Variants in KAZN observed in about 807,000 individuals in gnomAD.
KAZN encodes kazrin.
A neutral mutation model predicts 87.4 loss-of-function variants in KAZN; 40 were observed. The observed-to-expected ratio is 0.46, with a 90% confidence interval of 0.36 to 0.60. The LOEUF is 0.60. Ranked by LOEUF, KAZN falls within the 20% of genes least tolerant of loss-of-function variation. The pLI is 0.00. For synonymous variants in KAZN, 466 were observed against 458.3 expected (o/e 1.02, Z -0.22); for missense variants, 898 against 1,073.9 (o/e 0.84, Z 2.29).
intron 2 of KAZN, among the ~76,000 whole-genome samples, chr1:14,349,798 T>C (rs1658389869): frequency 6.6e-6 from 1 of 152,022 alleles, no homozygotes; most frequent in Non-Finnish European, 1.5e-5. Context: ...CTAAAGAGCA[T>C]GGATCTGGTA....
At chr1:14,491,365 C>T (rs1465675302) in intron 2 of KAZN, among the ~76,000 whole-genome samples, 6 of 152,080 alleles carry the variant, frequency 3.9e-5, no homozygotes, top group Non-Finnish European at 7.4e-5. Flanking sequence ...AGGTTTGTTA[C>T]GTAGGTATAG....
At position 14,555,464 on chromosome 1, in the gene KAZN, C is replaced by T. The variant is rs557612535; in HGVS notation, c.250-43519C>T. Among the ~76,000 whole-genome samples the T allele has an allele frequency of 6.1e-4, 93 of 152,200 alleles. 1 individual carries two copies. The South Asian group carries it at 7.3e-3, about 12-fold the overall frequency. On this transcript the variant is annotated intron_variant, in intron 2 of 16. Coordinates refer to the KAZN transcript ENST00000636203. ...TTTTGTTTAATTTGATAGGAAATGC[C>T]CCCACTCTTAAAGGTGCTATAGGAA...
At chr1:14,501,459 G>T (rs1358718084) in intron 2 of KAZN, among the ~76,000 whole-genome samples, 1 of 152,058 alleles carries the variant, frequency 6.6e-6, no homozygotes, top group Non-Finnish European at 1.5e-5. Flanking sequence ...CAAGATATAA[G>T]ATGTAAGATA....
intron 2 of KAZN, among the ~76,000 whole-genome samples, chr1:14,534,066 C>A (rs1672351238): frequency 6.6e-6 from 1 of 152,110 alleles, no homozygotes; most frequent in Non-Finnish European, 1.5e-5. Context: ...CTGCTCAGTA[C>A]CCAATGAAAC....
chr1:15,089,344 G>A (rs1163120884), intron 8 of KAZN, among the ~76,000 whole-genome samples: 1 of 151,666 alleles, frequency 6.6e-6, no homozygotes, highest in Non-Finnish European at 1.5e-5. Context: ...CTCACTGAGA[G>A]CCCCACCCCT....
At chr1:14,930,859 C>G (rs1024696209) in intron 1 of KAZN, among the ~76,000 whole-genome samples, 1 of 152,214 alleles carries the variant, frequency 6.6e-6, no homozygotes, top group African/African-American at 2.4e-5. Flanking sequence ...GAGGGGGGAA[C>G]CCTGGGGGCC....
intron 1 of KAZN, among the ~76,000 whole-genome samples, chr1:13,946,357 G>A (rs1332372810): frequency 6.6e-6 from 1 of 152,088 alleles, no homozygotes; most frequent in Non-Finnish European, 1.5e-5. Context: ...TTCAAAACGG[G>A]ATTTTCCTCT....
At chr1:14,845,546 C>CATAGATGGGTGGGTGGATGGATGGATGG (rs1648640363) in intron 1 of KAZN, among the ~76,000 whole-genome samples, 1 of 96,350 alleles carries the variant, frequency 1.0e-5, no homozygotes, top group Non-Finnish European at 2.1e-5. Context: ...TGGATGGATG[C>CATAGATGGGTGGGTGGATGGATGGATGG]ATAGATGGGT....
chr1:14,825,766 T>C (rs746865342), intron 1 of KAZN, among the ~76,000 whole-genome samples: 17 of 152,310 alleles, frequency 1.1e-4, no homozygotes, highest in East Asian at 7.7e-4. Context: ...CTTCATACCT[T>C]ACCTTGCGTG....
chr1:14,958,891 G>C (rs1057129255), intron 1 of KAZN, among the ~76,000 whole-genome samples: 2 of 152,178 alleles, frequency 1.3e-5, no homozygotes, highest in African/African-American at 4.8e-5. Context: ...GGTGGCCAGC[G>C]CAAGGCTGGT....
intron 1 of KAZN, among the ~76,000 whole-genome samples, chr1:14,640,001 G>T (rs983840971): frequency 6.6e-6 from 1 of 152,174 alleles, no homozygotes; most frequent in African/African-American, 2.4e-5. Flanking sequence ...AGCAACGCTA[G>T]GTGGTTGTGG....
chr1:15,110,113 GTGTGTAT>G (rs1177741947), intron 13 of KAZN, among the ~76,000 whole-genome samples: 6 of 127,388 alleles, frequency 4.7e-5, no homozygotes, highest in Admixed American at 3.9e-4. Flanking sequence ...GCGTATTTGT[GTGTGTAT>G]TTGTGTATGT....
chr1:14,814,755 G>T (rs937683711), intron 1 of KAZN, among the ~76,000 whole-genome samples: 1 of 152,208 alleles, frequency 6.6e-6, no homozygotes, highest in Non-Finnish European at 1.5e-5. Flanking sequence ...CCAGCAAGGA[G>T]TAATGGAAGG....
chr1:14,443,649 A>C (rs1174773901), intron 2 of KAZN, among the ~76,000 whole-genome samples: 2 of 152,174 alleles, frequency 1.3e-5, no homozygotes, highest in Admixed American at 6.5e-5. Context: ...GGAGGAGAGC[A>C]TGTTTTCTTA....
In KAZN at chr1:14,230,562, T is replaced by C. The variant is rs138618599; in HGVS notation, c.249+49970T>C. On this transcript the variant is annotated intron_variant, in intron 2 of 16. Coordinates refer to the KAZN transcript ENST00000636203. ...TCCAATCCCTGTGTGTAGTGCTTTA[T>C]ATTTTTCCTCTATAGCTTGTTGGAA... Among the ~76,000 whole-genome samples, 69 of 152,326 alleles carry C rather than the reference T, an allele frequency of 4.5e-4. No individual in the cohort carries two copies. The East Asian group carries it at 0.012, about 26-fold the overall frequency.
chr1:14,712,362 A>G (rs1330574085), intron 1 of KAZN, among the ~76,000 whole-genome samples: 1 of 152,188 alleles, frequency 6.6e-6, no homozygotes, highest in African/African-American at 2.4e-5. Context: ...GCTGATCCTC[A>G]GGTTCCAACA....
At chr1:14,207,676 C>T (rs2100436362) in intron 2 of KAZN, among the ~76,000 whole-genome samples, 1 of 152,270 alleles carries the variant, frequency 6.6e-6, no homozygotes, top group East Asian at 1.9e-4. Context: ...TGGGTGAGCG[C>T]CCCTTTCACT....
At position 14,142,108 on chromosome 1, in the gene KAZN, CT is replaced by C. The variant is rs35138469; in HGVS notation, c.92-38310del. On this transcript the variant is annotated intron_variant, in intron 1 of 16. Transcript: ENST00000636203. ...TCTTCCTCTTTTCCTCCCTCCTTCCCTTTTTTTTTTTTTTTTTGGCTTGCCT... is the reference window on the plus strand; with the variant it reads ...TCTTCCTCTTTTCCTCCCTCCTTCCCTTTTTTTTTTTTTTTTGGCTTGCCT... Among the ~76,000 whole-genome samples the C allele has an allele frequency of 7.8e-3, 1,007 of 128,920 alleles. 3 individuals carry two copies. The highest frequency in any genetic ancestry group is 0.022 in the Middle Eastern group (5 of 224). The allele number at this position is 128,920 out of a possible 152,430, so 84.6% of individuals were successfully genotyped here.
intron 2 of KAZN, among the ~76,000 whole-genome samples, chr1:14,219,514 G>A (rs487185): frequency 0.46 from 70,416 of 151,920 alleles, 17,585 homozygotes; most frequent in Non-Finnish European, 0.56. Context: ...TGCAAAATAA[G>A]ACTCACACCA....
Sources: gnomAD v4.1 joint callset for allele counts (sites outside exome capture counted in the v4.1 genomes callset) on GRCh38, gnomAD v4.1.1 for gene constraint, MANE v1.5 for transcripts, NCBI Gene and HGNC (gene_info 2026-07-23, HGNC 2026-07-21) for gene names.